The following KIRREL3 variants were observed in gnomAD, a reference collection of about 807,000 sequenced individuals.
The protein encoded by KIRREL3 is kirre like nephrin family adhesion molecule 3.
KIRREL3 carries 36 observed loss-of-function variants against 89.7 expected under a neutral mutation model. That is an observed-to-expected ratio of 0.40 (90% CI 0.31 to 0.53). KIRREL3 has a LOEUF of 0.53. Among genes scored for constraint, KIRREL3 ranks in the 20% least tolerant of loss-of-function variants. The pLI, the probability that KIRREL3 is intolerant of heterozygous loss-of-function variation, is 0.49. For synonymous variants in KIRREL3, 445 were observed against 441.4 expected, an observed-to-expected ratio of 1.01 and a Z score of -0.10; for missense variants, 864 against 1,056.6, an observed-to-expected ratio of 0.82 and a Z score of 2.53.
chr11:126,805,507 C>T lies in KIRREL3; in HGVS notation c.55+194948G>A, dbSNP rs1951176266. On this transcript the variant is annotated intron_variant, in intron 1 of 16. Transcript: ENST00000525144. The surrounding 1 kb of genome is among the most constrained non-coding windows in gnomAD (Gnocchi z 4.3). ...CCAAGGTTCAGTCAGGTGCGCTGTC[C>T]CATCACAGGAAAAGAAACCTTGAGC... 6.6e-6 allele frequency among the ~76,000 whole-genome samples: 1 copy of T among 152,114 alleles called. No homozygotes were observed. Among genetic ancestry groups the T allele is most frequent in the Non-Finnish European group, 1.5e-5 (1 of 68,012 alleles).
intron 1 of KIRREL3, among the ~76,000 whole-genome samples, chr11:126,706,988 A>G (rs1317007960): frequency 6.6e-6 from 1 of 150,952 alleles, no homozygotes; most frequent in Non-Finnish European, 1.5e-5. Flanking sequence ...CATACATCAC[A>G]CATTTTAAGA....
Position 126,490,177 on chromosome 11 carries a change from T to C in KIRREL3, c.434-16711A>G, listed in dbSNP as rs766175580. 5.6e-5 allele frequency among the ~76,000 whole-genome samples: 8 copies of C among 142,862 alleles called. No individual in the cohort carries two copies. Among genetic ancestry groups the C allele is most frequent in the African/African-American group, 1.0e-4 (4 of 38,948 alleles). The allele number at this position is 142,862 out of a possible 152,430, so 93.7% of individuals were successfully genotyped here. A position where few individuals can be genotyped will look rare whatever the true frequency, so the allele number is the denominator to read the frequency against. ...ATCTGGTGTATAATTGAGAATATTA[T>C]TTGCATTTGGCTTTGGAATGCATTG... On this transcript the variant is annotated intron_variant, in intron 4 of 16. Transcript: ENST00000525144. This position sits in a 1 kb window ranked among gnomAD's most constrained non-coding sequence, Gnocchi z 4.2.
At chr11:126,502,085 T>G (rs917274581) in intron 4 of KIRREL3, among the ~76,000 whole-genome samples, 1 of 152,152 alleles carries the variant, frequency 6.6e-6, no homozygotes, top group African/African-American at 2.4e-5. Context: ...ATAATGAATG[T>G]AAAAAACTCT....
chr11:126,579,051 G>T lies in KIRREL3; in HGVS notation c.56-16139C>A, dbSNP rs1036884696. The stretch of plus-strand genomic sequence containing the variant: ...GACCTCGATCAAACCCAAAGCCCGT[G>T]CTCTGTCCGTGTGCTGCCTCCGAGA... On this transcript the variant is annotated intron_variant, in intron 1 of 16. Transcript: ENST00000525144. The surrounding 1 kb of genome is among the most constrained non-coding windows in gnomAD (Gnocchi z 5.3). 6.6e-6 allele frequency among the ~76,000 whole-genome samples: 1 copy of T among 152,058 alleles called. No homozygotes were observed. The highest frequency in any genetic ancestry group is 1.5e-5 in the Non-Finnish European group (1 of 68,008).
At chr11:127,001,469 C>T (rs965713154), upstream of KIRREL3, among the ~76,000 whole-genome samples, 3 of 152,108 alleles carry the variant, frequency 2.0e-5, no homozygotes, top group Admixed American at 6.5e-5. Flanking sequence ...CATTTCCTAA[C>T]GAGGACAGGG....
intron 7 of KIRREL3, among the ~76,000 whole-genome samples, chr11:126,451,750 T>C (rs1184403133): frequency 2.0e-5 from 3 of 152,220 alleles, no homozygotes; most frequent in African/African-American, 7.2e-5. Flanking sequence ...GGGGGCTTCC[T>C]TACGGATCTC....
rs1288113850 is a variant in KIRREL3, at chr11:126,685,353, A to G, written c.56-122441T>C. Among the ~76,000 whole-genome samples, 2 of 152,248 alleles carry G rather than the reference A, an allele frequency of 1.3e-5. No individual in the cohort carries two copies. The highest frequency in any genetic ancestry group is 2.1e-4 in the South Asian group (1 of 4,816). On this transcript the variant is annotated intron_variant, in intron 1 of 16. Transcript: ENST00000525144. The surrounding 1 kb of genome is among the most constrained non-coding windows in gnomAD (Gnocchi z 5.5). ...GGTTTTGTGCAGGAGAACTTCTTGC[A>G]GGAGACTTGGAGACAGAAATTCTTT...
chr11:126,461,247 T>G (rs957616743), intron 6 of KIRREL3, among the ~76,000 whole-genome samples: 2 of 152,220 alleles, frequency 1.3e-5, no homozygotes, highest in African/African-American at 4.8e-5. Context: ...CCAGTGGGGC[T>G]TACTGCTCCA....
intron 4 of KIRREL3, among the ~76,000 whole-genome samples, chr11:126,507,257 AC>A (rs150214039): frequency 0.034 from 5,159 of 152,246 alleles, 343 homozygotes; most frequent in African/African-American, 0.12. Flanking sequence ...ATGTTCTAAT[AC>A]TGGATTGTGG....
chr11:126,788,188 T>G lies in KIRREL3; in HGVS notation c.55+212267A>C, dbSNP rs777675598. 3.3e-5 allele frequency among the ~76,000 whole-genome samples: 5 copies of G among 152,204 alleles called. No individual in the cohort carries two copies. Among genetic ancestry groups the G allele is most frequent in the Admixed American group, 1.3e-4 (2 of 15,280 alleles). On this transcript the variant is annotated intron_variant, in intron 1 of 16. Coordinates refer to ENST00000525144, the MANE Select transcript of KIRREL3 (RefSeq NM_032531.4). This position sits in a 1 kb window ranked among gnomAD's most constrained non-coding sequence, Gnocchi z 4.1. Reference sequence around the variant, plus strand: ...GTGATGGAGTTGGGCTTGGGACAAATGCACAATCTGGAAGGAAATCGTTTC... The same window carrying G: ...GTGATGGAGTTGGGCTTGGGACAAAGGCACAATCTGGAAGGAAATCGTTTC...
chr11:126,854,116 A>G (rs2134579349), intron 1 of KIRREL3, among the ~76,000 whole-genome samples: 1 of 125,428 alleles, frequency 8.0e-6, no homozygotes, highest in South Asian at 3.0e-4. Flanking sequence ...CTCTTCCAGT[A>G]ATAAGTTTCT....
intron 1 of KIRREL3, among the ~76,000 whole-genome samples, chr11:126,732,992 A>G (rs575035915): frequency 1.3e-5 from 2 of 152,260 alleles, no homozygotes; most frequent in African/African-American, 2.4e-5. Flanking sequence ...AAGGAGGAAG[A>G]TTGGTTCCCA....
At chr11:126,661,093 C>A (rs927978339) in intron 1 of KIRREL3, among the ~76,000 whole-genome samples, 13 of 152,092 alleles carry the variant, frequency 8.5e-5, no homozygotes, top group Non-Finnish European at 1.5e-5. Flanking sequence ...ATCTTAAAAC[C>A]AAAACATACT....
intron 1 of KIRREL3, among the ~76,000 whole-genome samples, chr11:126,591,334 C>G (rs1021758959): frequency 6.6e-6 from 1 of 152,196 alleles, no homozygotes; most frequent in Non-Finnish European, 1.5e-5. Flanking sequence ...AGGTAACAAT[C>G]CTTCACCAAG....
In KIRREL3 at chr11:126,550,797, A is replaced by AC. The variant is rs1474015323; in HGVS notation, c.133+12037dup. On this transcript the variant is annotated intron_variant, in intron 2 of 16. Coordinates refer to ENST00000525144, the MANE Select transcript of KIRREL3 (RefSeq NM_032531.4). This position sits in a 1 kb window ranked among gnomAD's most constrained non-coding sequence, Gnocchi z 4.9. ...TCCTCTACACTCACCACAACAGTCC[A>AC]CACAGGAGACCTCTGTGGCCAAACA... The AC allele has an allele frequency of 6.6e-6, 1 of 152,186 alleles. No homozygotes were observed. The highest frequency in any genetic ancestry group is 1.5e-5 in the Non-Finnish European group (1 of 68,032). 9.4% of individuals were successfully genotyped at this position (152,186 alleles called of 1,614,324 possible).
chr11:126,645,253 C>A lies in KIRREL3; in HGVS notation c.56-82341G>T, dbSNP rs75399999. Among the ~76,000 whole-genome samples the A allele has an allele frequency of 1.3e-5, 2 of 152,170 alleles. No homozygotes were observed. Among genetic ancestry groups the A allele is most frequent in the Non-Finnish European group, 2.9e-5 (2 of 68,032 alleles). ...AAATATTCTCAACTTGAGTTCCCTG[C>A]GGTTGTGGTCATGGGCCAATTGCAG... On this transcript the variant is annotated intron_variant, in intron 1 of 16. Coordinates refer to ENST00000525144, the MANE Select transcript of KIRREL3 (RefSeq NM_032531.4). The surrounding 1 kb of genome is among the most constrained non-coding windows in gnomAD (Gnocchi z 4.9).
chr11:126,514,925 C>T (rs1021954112), intron 4 of KIRREL3, among the ~76,000 whole-genome samples: 5 of 152,166 alleles, frequency 3.3e-5, no homozygotes, highest in South Asian at 2.1e-4. Context: ...TGTTCTCTGT[C>T]GTCAGATTCA....
intron 5 of KIRREL3, among the ~76,000 whole-genome samples, chr11:126,470,024 A>T (rs572308669): frequency 4.9e-4 from 74 of 152,330 alleles, no homozygotes; most frequent in African/African-American, 1.3e-3. Flanking sequence ...CAGGCCCAGG[A>T]GCATGGATCG....
chr11:126,629,842 C>T (rs1401168972), intron 1 of KIRREL3, among the ~76,000 whole-genome samples: 1 of 152,184 alleles, frequency 6.6e-6, no homozygotes, highest in African/African-American at 2.4e-5. Context: ...CTATGAGCCA[C>T]TCTGTCCCTT....
Sources: gnomAD v4.1 joint callset for allele counts (sites outside exome capture counted in the v4.1 genomes callset) on GRCh38, gnomAD v4.1.1 for gene constraint, Gnocchi (gnomAD v3.1) non-coding constraint, MANE v1.5 for transcripts, NCBI Gene and HGNC (gene_info 2026-07-23, HGNC 2026-07-21) for gene names.